The following PTPRD variants were observed in gnomAD, a reference collection of about 807,000 sequenced individuals.
PTPRD encodes the protein receptor-type tyrosine-protein phosphatase delta.
PTPRD carries 34 observed loss-of-function variants against 214.5 expected under a neutral mutation model. That is an observed-to-expected ratio of 0.16 (90% CI 0.12 to 0.21). The LOEUF is 0.21. Among genes scored for constraint, PTPRD ranks in the 10% least tolerant of loss-of-function variants. The probability of loss-of-function intolerance (pLI) is 1.00; values close to 1 mark genes in which losing one functional copy is unlikely to be tolerated. For synonymous variants in PTPRD, 1,128 were observed against 845.7 expected, an observed-to-expected ratio of 1.33 and a Z score of -5.79; for missense variants, 2,545 against 2,398.7, an observed-to-expected ratio of 1.06 and a Z score of -1.27.
chr9:9,122,151 T>C (rs1380282957), intron 10 of PTPRD, among the ~76,000 whole-genome samples: 3 of 152,284 alleles, frequency 2.0e-5, no homozygotes, highest in African/African-American at 7.2e-5. Flanking sequence ...CAGTGATATC[T>C]GGTTTCCTGA....
intron 11 of PTPRD, among the ~76,000 whole-genome samples, chr9:8,911,354 C>T (rs2098745827): frequency 6.6e-6 from 1 of 151,104 alleles, no homozygotes; most frequent in South Asian, 2.1e-4. Flanking sequence ...AAAGATGGTC[C>T]TTTCAATAAA....
chr9:8,434,661 A>C (rs1312966079), intron 35 of PTPRD, among the ~76,000 whole-genome samples: 1 of 152,238 alleles, frequency 6.6e-6, no homozygotes, highest in Non-Finnish European at 1.5e-5. Flanking sequence ...AAGCAGGGCT[A>C]TGAAAAAATA....
intron 5 of PTPRD, among the ~76,000 whole-genome samples, chr9:9,776,879 A>C (rs2098802539): frequency 6.6e-6 from 1 of 152,228 alleles, no homozygotes; most frequent in Non-Finnish European, 1.5e-5. Flanking sequence ...GATAATAACC[A>C]GCTAATTTTA....
intron 39 of PTPRD, among the ~76,000 whole-genome samples, chr9:8,354,919 C>G (rs768882653): frequency 6.6e-6 from 1 of 152,152 alleles, no homozygotes; most frequent in Non-Finnish European, 1.5e-5. Context: ...ATTAGCTCTC[C>G]CACTCTACTG....
intron 2 of PTPRD, among the ~76,000 whole-genome samples, chr9:10,434,702 G>A (rs1322584638): frequency 1.3e-5 from 2 of 151,868 alleles, no homozygotes; most frequent in African/African-American, 4.8e-5. Flanking sequence ...ATAAACACTT[G>A]CCCACACTGT....
intron 2 of PTPRD, among the ~76,000 whole-genome samples, chr9:10,600,687 A>G (rs1297489242): frequency 6.6e-6 from 1 of 151,726 alleles, no homozygotes; most frequent in Non-Finnish European, 1.5e-5. Context: ...ACAACAGAAA[A>G]CTGATCAATT....
At chr9:10,553,984 C>A (rs569624650) in intron 2 of PTPRD, among the ~76,000 whole-genome samples, 1 of 152,006 alleles carries the variant, frequency 6.6e-6, no homozygotes, top group Non-Finnish European at 1.5e-5. Flanking sequence ...TCTTTAATAT[C>A]CCCTTTATTA....
chr9:9,894,644 T>G (rs1274118030), intron 5 of PTPRD, among the ~76,000 whole-genome samples: 8 of 152,076 alleles, frequency 5.3e-5, no homozygotes. Context: ...TGCATGCTTT[T>G]CTTCCTAAGA....
At chr9:9,403,076 G>C (rs1218088831) in intron 8 of PTPRD, among the ~76,000 whole-genome samples, 1 of 150,718 alleles carries the variant, frequency 6.6e-6, no homozygotes, top group Non-Finnish European at 1.5e-5. Context: ...GATCACTTGA[G>C]GTTAGAAATT....
intron 11 of PTPRD, among the ~76,000 whole-genome samples, chr9:8,741,493 T>C (rs1045362461): frequency 2.0e-5 from 3 of 149,930 alleles, no homozygotes; most frequent in East Asian, 3.9e-4. Flanking sequence ...TCGCAAAGTG[T>C]AGATAGATAT....
chr9:9,212,672 G>A (rs938352933), intron 9 of PTPRD, among the ~76,000 whole-genome samples: 1 of 152,156 alleles, frequency 6.6e-6, no homozygotes, highest in African/African-American at 2.4e-5. Context: ...ATACAGCCAA[G>A]GCCATTCACA....
intron 8 of PTPRD, among the ~76,000 whole-genome samples, chr9:9,504,709 C>T (rs1181959891): frequency 1.3e-5 from 2 of 151,572 alleles, no homozygotes; most frequent in South Asian, 4.1e-4. Flanking sequence ...GAGAAACAAA[C>T]CTATCTCTAT....
At chr9:9,489,469 A>C (rs1270181182) in intron 8 of PTPRD, among the ~76,000 whole-genome samples, 1 of 152,190 alleles carries the variant, frequency 6.6e-6, no homozygotes, top group Non-Finnish European at 1.5e-5. Context: ...AGACTTTATA[A>C]CAAAGTCTTA....
chr9:8,692,260 A>T (rs1338142206), intron 12 of PTPRD, among the ~76,000 whole-genome samples: 1 of 152,244 alleles, frequency 6.6e-6, no homozygotes. Flanking sequence ...ACACAATAAC[A>T]TTAATTGTTT....
intron 14 of PTPRD, among the ~76,000 whole-genome samples, chr9:8,619,038 G>C (rs1158457043): frequency 6.7e-6 from 1 of 150,028 alleles, no homozygotes; most frequent in Non-Finnish European, 1.5e-5. Flanking sequence ...GGGATTACAG[G>C]ATTGAGCCAC....
In PTPRD at chr9:9,715,393, G is replaced by A. The variant is rs371102209; in HGVS notation, c.-287+19140C>T. ...ACTTCCAAGTCCTTGCAGAAATGAC[G>A]TGTTATAAATAACCTCTCTATCATT... On this transcript the variant is annotated intron_variant, in intron 7 of 45. Transcript: ENST00000381196. Among the ~76,000 whole-genome samples, 275 of 151,912 alleles carry A rather than the reference G, an allele frequency of 1.8e-3. 1 individual carries two copies. Among genetic ancestry groups the A allele is most frequent in the African/African-American group, 4.5e-3 (185 of 41,424 alleles).
At chr9:10,302,718 C>A (rs2095902977) in intron 3 of PTPRD, among the ~76,000 whole-genome samples, 1 of 152,162 alleles carries the variant, frequency 6.6e-6, no homozygotes, top group African/African-American at 2.4e-5. Context: ...AGCTAACTGT[C>A]CCAAATATAT....
intron 7 of PTPRD, among the ~76,000 whole-genome samples, chr9:9,579,247 A>G (rs1299267317): frequency 6.6e-6 from 1 of 152,122 alleles, no homozygotes; most frequent in African/African-American, 2.4e-5. Flanking sequence ...CATTTACTGA[A>G]CACATACTAA....
intron 2 of PTPRD, among the ~76,000 whole-genome samples, chr9:10,396,069 A>G (rs2098164707): frequency 6.6e-6 from 1 of 151,836 alleles, no homozygotes; most frequent in Non-Finnish European, 1.5e-5. Flanking sequence ...TTTCAGTTCC[A>G]ATCCTTCGTG....
Sources: gnomAD v4.1 joint callset for allele counts (sites outside exome capture counted in the v4.1 genomes callset) on GRCh38, gnomAD v4.1.1 for gene constraint, MANE v1.5 for transcripts, NCBI Gene and HGNC (gene_info 2026-07-23, HGNC 2026-07-21) for gene names.